BAZ2B: variants seen among roughly 807,000 people sequenced by gnomAD.
BAZ2B encodes bromodomain adjacent to zinc finger domain 2B.
BAZ2B carries 91 observed loss-of-function variants against 246.0 expected under a neutral mutation model. The ratio of observed to expected loss-of-function variants is 0.37; its 90% CI spans 0.31 to 0.44. The LOEUF (loss-of-function observed/expected upper bound fraction) is 0.44. BAZ2B is among the 20% of genes least tolerant of loss of function. BAZ2B has a pLI of 1.00. For missense variants in BAZ2B, 2,332 were observed against 2,533.7 expected (o/e 0.92, Z 1.71); for synonymous variants, 855 against 860.0 (o/e 0.99, Z 0.10).
the BAZ2B span, among the ~76,000 whole-genome samples, chr2:159,710,323 C>T: frequency 6.6e-6 from 1 of 151,902 alleles, no homozygotes; most frequent in Non-Finnish European, 1.5e-5. Flanking sequence ...ATTCTTCTGC[C>T]TCAGCCTCCC....
At chr2:159,529,883 A>G (rs2085190853) in intron 2 of BAZ2B, among the ~76,000 whole-genome samples, 1 of 152,154 alleles carries the variant, frequency 6.6e-6, no homozygotes, top group Non-Finnish European at 1.5e-5. Context: ...ACATATCAAC[A>G]TATTCATTGA....
intron 3 of BAZ2B, chr2:159,459,942 A>G (rs1242635438): frequency 6.6e-6 from 1 of 152,034 alleles, no homozygotes; most frequent in African/African-American, 2.4e-5. Flanking sequence ...GAAGACCACA[A>G]TTTTTTGCAG....
Position 159,389,281 on chromosome 2 carries a change from T to A in BAZ2B, c.3216+64A>T, listed in dbSNP as rs1347485649. ...CACAATAGCAGCTCTGGCAAAGAAA[T>A]CAGGTAAGAAAACTGGAAAAATTAA... On this transcript the variant is annotated intron_variant, in intron 21 of 36. Transcript: ENST00000392783. 2.8e-6 allele frequency: 4 copies of A among 1,426,464 alleles called. No homozygotes were observed. The African/African-American group carries it at 4.4e-5, about 16-fold the overall frequency. The allele number at this position is 1,426,464 out of a possible 1,614,324, so 88.4% of individuals were successfully genotyped here.
intron 13 of BAZ2B, among the ~76,000 whole-genome samples, chr2:159,418,253 A>T (rs908351875): frequency 3.3e-5 from 5 of 152,218 alleles, no homozygotes; most frequent in African/African-American, 4.8e-5. Flanking sequence ...GAGTTCTTAA[A>T]TATTTTCTGT....
chr2:159,453,022 C>T (rs1004158220), intron 4 of BAZ2B, among the ~76,000 whole-genome samples: 1 of 152,204 alleles, frequency 6.6e-6, no homozygotes, highest in African/African-American at 2.4e-5. Flanking sequence ...ACTGCTTGAA[C>T]CTAGAAGGCG....
chr2:159,669,834 C>T, the BAZ2B span, among the ~76,000 whole-genome samples: 2 of 152,176 alleles, frequency 1.3e-5, no homozygotes, highest in Non-Finnish European at 2.9e-5. Flanking sequence ...TCTGCTCTAA[C>T]AACCTAGCTT....
the BAZ2B span, among the ~76,000 whole-genome samples, chr2:159,674,805 C>T: frequency 6.6e-6 from 1 of 151,472 alleles, no homozygotes; most frequent in African/African-American, 2.4e-5. Flanking sequence ...AATAACATAG[C>T]CATATAGAAC....
the BAZ2B span, among the ~76,000 whole-genome samples, chr2:159,706,084 A>AACACACACAC: frequency 1.5e-4 from 23 of 149,770 alleles, no homozygotes; most frequent in African/African-American, 3.9e-4. Context: ...AAACATATAT[A>AACACACACAC]ACACACACAC....
the BAZ2B span, among the ~76,000 whole-genome samples, chr2:159,638,306 T>A: frequency 6.6e-6 from 1 of 152,182 alleles, no homozygotes; most frequent in South Asian, 2.1e-4. Context: ...GTGGAGACTA[T>A]AATAAATACC....
At chr2:159,432,285 C>G (rs2071277000) in intron 9 of BAZ2B, among the ~76,000 whole-genome samples, 1 of 151,982 alleles carries the variant, frequency 6.6e-6, no homozygotes, top group East Asian at 1.9e-4. Context: ...AAAAGTGACT[C>G]AAAATTAAAT....
chr2:159,673,980 A>G, the BAZ2B span, among the ~76,000 whole-genome samples: 1 of 152,142 alleles, frequency 6.6e-6, no homozygotes, highest in Non-Finnish European at 1.5e-5. Flanking sequence ...TTGATTACAT[A>G]TTTTTGTATA....
intron 31 of BAZ2B, among the ~76,000 whole-genome samples, chr2:159,339,938 G>A (rs1373455503): frequency 1.3e-5 from 2 of 152,108 alleles, no homozygotes; most frequent in Non-Finnish European, 2.9e-5. Context: ...GAGAGAGTGA[G>A]AGTAAGAGAA....
chr2:159,696,812 G>C, the BAZ2B span, among the ~76,000 whole-genome samples: 1 of 152,186 alleles, frequency 6.6e-6, no homozygotes, highest in Middle Eastern at 3.2e-3. Flanking sequence ...CTGAGACGGA[G>C]TCTTGCTCTG....
chr2:159,578,574 C>A (rs1047984057), intron 1 of BAZ2B, among the ~76,000 whole-genome samples: 26 of 152,130 alleles, frequency 1.7e-4, no homozygotes, highest in African/African-American at 5.6e-4. Context: ...ACCAAGCAGA[C>A]CTAATAGACA....
intron 2 of BAZ2B, among the ~76,000 whole-genome samples, chr2:159,508,993 C>T (rs1266162798): frequency 1.3e-5 from 2 of 152,124 alleles, no homozygotes; most frequent in African/African-American, 2.4e-5. Context: ...TAATCCCTGC[C>T]TTTTGGCTTA....
At chr2:159,509,568 A>G (rs1208611840) in intron 2 of BAZ2B, among the ~76,000 whole-genome samples, 1 of 152,142 alleles carries the variant, frequency 6.6e-6, no homozygotes, top group Non-Finnish European at 1.5e-5. Flanking sequence ...TACATTCACT[A>G]TACAGTGTAA....
At chr2:159,687,052 A>AAG in the BAZ2B span, among the ~76,000 whole-genome samples, 1 of 151,612 alleles carries the variant, frequency 6.6e-6, no homozygotes, top group East Asian at 1.9e-4. Context: ...AAAAAAAAAA[A>AAG]AAAAAAGGCA....
At chr2:159,342,412 A>T (rs2066887392) in intron 31 of BAZ2B, among the ~76,000 whole-genome samples, 1 of 152,170 alleles carries the variant, frequency 6.6e-6, no homozygotes, top group African/African-American at 2.4e-5. Context: ...CAGCCTCCCA[A>T]GTAGCTGGGA....
the BAZ2B span, among the ~76,000 whole-genome samples, chr2:159,659,777 G>A: frequency 6.6e-6 from 1 of 152,108 alleles, no homozygotes; most frequent in South Asian, 2.1e-4. Flanking sequence ...TCAATGTGTT[G>A]TCTGCTTTGG....
Sources: gnomAD v4.1 joint callset for allele counts (sites outside exome capture counted in the v4.1 genomes callset) on GRCh38, gnomAD v4.1.1 for gene constraint, MANE v1.5 for transcripts, NCBI Gene and HGNC (gene_info 2026-07-23, HGNC 2026-07-21) for gene names.